PLXNA4: variants seen among roughly 807,000 people sequenced by gnomAD.
The protein encoded by PLXNA4 is plexin A4.
PLXNA4 carries 44 observed loss-of-function variants against 191.8 expected under a neutral mutation model. The ratio of observed to expected loss-of-function variants is 0.23; its 90% CI spans 0.18 to 0.29. The LOEUF is 0.29. Ranked by LOEUF, PLXNA4 falls within the 10% of genes least tolerant of loss-of-function variation. The pLI, the probability that PLXNA4 is intolerant of heterozygous loss-of-function variation, is 1.00. For missense variants in PLXNA4, 1,800 were observed against 2,488.8 expected (o/e 0.72, Z 5.89); for synonymous variants, 1,082 against 1,009.5 (o/e 1.07, Z -1.36).
At chr7:132,484,907 T>C (rs768669518) in intron 3 of PLXNA4, 7 of 1,614,212 alleles carry the variant, frequency 4.3e-6, no homozygotes, top group Admixed American at 3.3e-5. Flanking sequence ...GCACTGAAGA[T>C]ACACACACAG....
intron 3 of PLXNA4, among the ~76,000 whole-genome samples, chr7:132,302,072 T>C (rs1322824485): frequency 6.6e-6 from 1 of 152,208 alleles, no homozygotes; most frequent in Non-Finnish European, 1.5e-5. Context: ...TGAAAAGTTA[T>C]TTAAAAATAA....
At chr7:132,228,942 G>A (rs1389547452) in intron 5 of PLXNA4, among the ~76,000 whole-genome samples, 3 of 152,142 alleles carry the variant, frequency 2.0e-5, no homozygotes, top group Non-Finnish European at 1.5e-5. Flanking sequence ...CATGGCTCAA[G>A]ATGCACCTGC....
chr7:132,436,870 C>T (rs564668954), intron 3 of PLXNA4, among the ~76,000 whole-genome samples: 20 of 152,292 alleles, frequency 1.3e-4, no homozygotes, highest in African/African-American at 3.9e-4. Flanking sequence ...GCTGCTATAC[C>T]CCACTCAATG....
chr7:132,273,655 C>T (rs972571249), intron 4 of PLXNA4, among the ~76,000 whole-genome samples: 1 of 152,102 alleles, frequency 6.6e-6, no homozygotes, highest in African/African-American at 2.4e-5. Context: ...ACCTAGGACT[C>T]CCTACTTGAG....
intron 3 of PLXNA4, among the ~76,000 whole-genome samples, chr7:132,357,958 C>T (rs1803778312): frequency 6.6e-6 from 1 of 152,146 alleles, no homozygotes; most frequent in South Asian, 2.1e-4. Flanking sequence ...GAAATCCATG[C>T]CAGAAAGCAG....
intron 3 of PLXNA4, among the ~76,000 whole-genome samples, chr7:132,462,333 T>G (rs1008861327): frequency 3.3e-5 from 5 of 151,896 alleles, no homozygotes; most frequent in Admixed American, 3.3e-4. Flanking sequence ...TAACAAGTGA[T>G]AAAAAGGAAA....
intron 25 of PLXNA4, among the ~76,000 whole-genome samples, chr7:132,157,482 G>A (rs1272358033): frequency 2.6e-5 from 4 of 152,204 alleles, no homozygotes; most frequent in Non-Finnish European, 5.9e-5. Context: ...AGTTCACGGG[G>A]CTGCCTTCTG....
intron 3 of PLXNA4, chr7:132,485,135 T>C: frequency 7.2e-7 from 1 of 1,389,898 alleles, no homozygotes; most frequent in South Asian, 1.4e-5. Context: ...TCCTATTGCC[T>C]CTTCATGGGA....
At chr7:132,370,712 G>C (rs1471761615) in intron 3 of PLXNA4, among the ~76,000 whole-genome samples, 1 of 152,112 alleles carries the variant, frequency 6.6e-6, no homozygotes, top group Non-Finnish European at 1.5e-5. Context: ...CAGAGGAGCA[G>C]TGAGCAGATT....
chr7:132,581,697 G>A (rs1018896698), upstream of PLXNA4, among the ~76,000 whole-genome samples: 1 of 152,042 alleles, frequency 6.6e-6, no homozygotes, highest in South Asian at 2.1e-4. Flanking sequence ...CGGGGGGTTG[G>A]TGTTTAGGTG....
At position 132,154,867 on chromosome 7, in the gene PLXNA4, C is replaced by T. The variant is rs1000282545; in HGVS notation, c.4660+4606G>A. ...AGGCACCAAGCACAAAGGACAGACA[C>T]ACTCACAATCCAATTTGTTACATTT... On this transcript the variant is annotated intron_variant, in intron 25 of 31. Transcript: ENST00000321063. Among the ~76,000 whole-genome samples, 6 of 152,326 alleles carry T rather than the reference C, an allele frequency of 3.9e-5. 1 individual carries two copies. In the South Asian group the frequency reaches 6.2e-4, roughly 16 times the overall value.
At chr7:132,474,501 A>T (rs1164361801) in intron 3 of PLXNA4, among the ~76,000 whole-genome samples, 1 of 152,032 alleles carries the variant, frequency 6.6e-6, no homozygotes, top group Admixed American at 6.6e-5. Flanking sequence ...ATTCACCCCA[A>T]TTACAACACC....
At chr7:132,395,103 G>A (rs1040097456) in intron 3 of PLXNA4, among the ~76,000 whole-genome samples, 1 of 152,232 alleles carries the variant, frequency 6.6e-6, no homozygotes, top group Non-Finnish European at 1.5e-5. Flanking sequence ...ACAGCTAGGG[G>A]AGCCATTGGC....
chr7:132,549,542 A>C (rs1800462595), intron 1 of PLXNA4, among the ~76,000 whole-genome samples: 1 of 152,184 alleles, frequency 6.6e-6, no homozygotes, highest in East Asian at 1.9e-4. Context: ...AAGATTTTTG[A>C]AAGCTGGAAC....
At chr7:132,328,725 C>T (rs899254939) in intron 3 of PLXNA4, among the ~76,000 whole-genome samples, 6 of 152,182 alleles carry the variant, frequency 3.9e-5, no homozygotes, top group South Asian at 2.1e-4. Context: ...TTTCCAGGCC[C>T]GGGCAAACCA....
chr7:132,299,292 A>C (rs1801219843), intron 3 of PLXNA4, among the ~76,000 whole-genome samples: 1 of 152,200 alleles, frequency 6.6e-6, no homozygotes, highest in South Asian at 2.1e-4. Flanking sequence ...TTATATTCCA[A>C]ATATTCCCAT....
rs767225906 is a variant in PLXNA4 at position 132,148,594 on chromosome 7, G to C, written c.4713C>G (p.Thr1571=). 7 of 1,614,186 alleles carry C rather than the reference G, an allele frequency of 4.3e-6. No individual in the cohort carries two copies. Among genetic ancestry groups the C allele is most frequent in the Non-Finnish European group, 5.9e-6 (7 of 1,180,032 alleles). Residue 1571 remains threonine (T), a synonymous_variant, in exon 26 of 32, where the codon ACC becomes ACG. Coordinates refer to ENST00000321063, the MANE Select transcript of PLXNA4 (RefSeq NM_020911.2). Reference sequence around the variant, plus strand: ...GCTTCCAATCATTCTCAATCTTGGTGGTGATGTCTTCATCCTGCAAGATCA... The same window carrying C: ...GCTTCCAATCATTCTCAATCTTGGTCGTGATGTCTTCATCCTGCAAGATCA... The part of the protein sequence containing the change: ...ARMILQDEDI[T]TKIENDWKRL...
At chr7:132,441,115 A>G (rs910855320) in intron 3 of PLXNA4, among the ~76,000 whole-genome samples, 3 of 152,196 alleles carry the variant, frequency 2.0e-5, no homozygotes, top group Non-Finnish European at 4.4e-5. Context: ...GTCCCTCCCA[A>G]TGGTAAATCA....
intron 2 of PLXNA4, among the ~76,000 whole-genome samples, chr7:132,637,104 A>G (rs182251072): frequency 6.6e-5 from 10 of 152,306 alleles, no homozygotes; most frequent in Non-Finnish European, 1.3e-4. Flanking sequence ...GTCCATTCCC[A>G]AAGAGCCTTT....
Sources: allele counts gnomAD v4.1 joint callset (sites outside exome capture counted in the v4.1 genomes callset), GRCh38; gene constraint gnomAD v4.1.1; transcripts MANE v1.5; gene names NCBI Gene and HGNC (gene_info 2026-07-23, HGNC 2026-07-21).